Variants in MRC1 observed in about 807,000 individuals in gnomAD.
MRC1 encodes the protein macrophage mannose receptor 1.
A neutral mutation model predicts 102.9 loss-of-function variants in MRC1; 62 were observed. The ratio of observed to expected loss-of-function variants is 0.60; its 90% confidence interval spans 0.49 to 0.74. The LOEUF is 0.74. Among genes scored for constraint, MRC1 ranks in the 30% least tolerant of loss-of-function variants. The probability of loss-of-function intolerance (pLI) is 0.00; values close to 1 mark genes in which losing one functional copy is unlikely to be tolerated. For missense variants in MRC1, 1,237 were observed against 862.8 expected, an observed-to-expected ratio of 1.43 and a Z score of -5.43; for synonymous variants, 457 against 298.4, an observed-to-expected ratio of 1.53 and a Z score of -5.48.
At chr10:17,825,641 GGAGCATTACTT>G (rs1402871325) in intron 2 of MRC1, among the ~76,000 whole-genome samples, 1 of 152,162 alleles carries the variant, frequency 6.6e-6, no homozygotes, top group Non-Finnish European at 1.5e-5. Flanking sequence ...GGCTGAGGTG[GGAGCATTACTT>G]GAGCCCAGGT....
In MRC1 at chr10:17,836,790, C is replaced by T. The variant is rs976971989; in HGVS notation, c.802+2951C>T. ...GGTGGAGGTTGCAGTGAGTCGAGAT[C>T]GCACCATTGCACTCCAGCCTGGGCA... On this transcript the variant is annotated intron_variant, in intron 4 of 29. Coordinates refer to ENST00000569591, the MANE Select transcript of MRC1 (RefSeq NM_002438.4). Among the ~76,000 whole-genome samples the T allele has an allele frequency of 4.0e-5, 6 of 151,676 alleles. 1 individual carries two copies. Among genetic ancestry groups the T allele is most frequent in the South Asian group, 2.1e-4 (1 of 4,792 alleles).
intron 8 of MRC1, among the ~76,000 whole-genome samples, chr10:17,854,354 G>T (rs951885924): frequency 6.6e-6 from 1 of 152,132 alleles, no homozygotes; most frequent in Non-Finnish European, 1.5e-5. Flanking sequence ...TTGTCACTGT[G>T]GCTGTTATTT....
intron 20 of MRC1, 115 bp downstream of exon 20, chr10:17,880,785 A>T: frequency 1.3e-6 from 1 of 759,460 alleles, no homozygotes; most frequent in South Asian, 1.4e-5. Flanking sequence ...TTTTGGCAAG[A>T]ATAGGTGAAA....
intron 29 of MRC1, among the ~76,000 whole-genome samples, chr10:17,909,862 C>A (rs1390759671): frequency 1.3e-5 from 2 of 152,044 alleles, no homozygotes; most frequent in African/African-American, 2.4e-5. Flanking sequence ...TTTTTCTCTT[C>A]ATTTCCATTT....
At position 17,873,767 on chromosome 10, in the gene MRC1, T is replaced by A; in HGVS notation, c.2345-17T>A. The A allele has an allele frequency of 1.1e-6, 1 of 872,324 alleles. No individual in the cohort carries two copies. Among genetic ancestry groups the A allele is most frequent in the Non-Finnish European group, 2.0e-6 (1 of 501,158 alleles). The allele number at this position is 872,324 out of a possible 1,614,324, so 54.0% of individuals were successfully genotyped here. On this transcript the variant is annotated splice_polypyrimidine_tract_variant and intron_variant, in intron 15 of 29. Transcript: ENST00000569591. ...AGTTTAAGTACACTTTATTTCTATT[T>A]TTCTCTTGTTTTACAGGACAAACAC... is the stretch of plus-strand genomic sequence containing the variant.
chr10:17,833,380 G>A (rs1348064090), intron 3 of MRC1, among the ~76,000 whole-genome samples: 1 of 151,936 alleles, frequency 6.6e-6, no homozygotes, highest in Non-Finnish European at 1.5e-5. Flanking sequence ...AGTTAGCCAG[G>A]CATGGTGGTG....
intron 3 of MRC1, among the ~76,000 whole-genome samples, chr10:17,832,664 T>C (rs1025781818): frequency 2.7e-5 from 4 of 149,648 alleles, no homozygotes; most frequent in African/African-American, 7.5e-5. Flanking sequence ...CTCGGCTCAC[T>C]GCAAGCTCCG....
chr10:17,861,484 TA>T lies in MRC1; in HGVS notation c.1618del (p.Thr540GlnfsTer12). ...ACCTGTAATAATGAGAATGCTTATT[TA>T]ACAACTATTGAAGACAGGTATGTAA... ...NQTCNNENAY[L>X]TTIEDRYEQA... On this transcript the variant is annotated frameshift_variant, in exon 10 of 30. Transcript: ENST00000569591. LOFTEE classifies it high-confidence loss of function. The T allele has an allele frequency of 1.1e-6, 1 of 871,544 alleles. No homozygotes were observed. The highest frequency in any genetic ancestry group is 2.0e-6 in the Non-Finnish European group (1 of 500,622). The allele number at this position is 871,544 out of a possible 1,614,324, so 54.0% of individuals were successfully genotyped here.
At position 17,875,181 on chromosome 10, in the gene MRC1, G is replaced by A. The variant is rs1331086404; in HGVS notation, c.2478G>A (p.Ala826=). ...AGGAAACCATGGACAATGCGCGAGC[G>A]TTTTGCAAGAGGAATTTTGGTGATC... ...KEKETMDNAR[A]FCKRNFGDLV... is the part of the protein sequence containing the mutation. Residue 826 remains alanine (A), a synonymous_variant, in exon 17 of 30, where the codon GCG becomes GCA. Coordinates refer to ENST00000569591, the MANE Select transcript of MRC1 (RefSeq NM_002438.4). 3.2e-5 allele frequency: 25 copies of A among 780,856 alleles called. No homozygotes were observed. The highest frequency in any genetic ancestry group is 2.4e-4 in the Admixed American group (14 of 59,032). 48.4% of individuals were successfully genotyped at this position (780,856 alleles called of 1,614,324 possible). A position where few individuals can be genotyped will look rare whatever the true frequency, so the allele number is the denominator to read the frequency against.
chr10:17,894,651 G>A (rs1029569816), intron 23 of MRC1, among the ~76,000 whole-genome samples: 42 of 151,680 alleles, frequency 2.8e-4, no homozygotes, highest in African/African-American at 8.7e-4. Context: ...TACCTGCCTC[G>A]GCCTCCCAAA....
chr10:17,848,739 C>T (rs895237618), intron 6 of MRC1, among the ~76,000 whole-genome samples: 1 of 152,184 alleles, frequency 6.6e-6, no homozygotes, highest in Non-Finnish European at 1.5e-5. Context: ...ACACAACTTA[C>T]CGCAAATTCA....
At chr10:17,838,985 G>A (rs1342444722) in intron 4 of MRC1, among the ~76,000 whole-genome samples, 10 of 152,124 alleles carry the variant, frequency 6.6e-5, no homozygotes, top group Admixed American at 6.6e-4. Context: ...TGCTTTAAGA[G>A]ATATATTTTA....
intron 18 of MRC1, among the ~76,000 whole-genome samples, chr10:17,879,456 C>T (rs886129347): frequency 6.6e-6 from 1 of 152,132 alleles, no homozygotes; most frequent in Non-Finnish European, 1.5e-5. Context: ...CCAGTTCAAG[C>T]GATCCTCCTG....
intron 23 of MRC1, 82 bp downstream of exon 23, chr10:17,894,394 C>CTT (rs34625338): frequency 0.059 from 23,145 of 392,110 alleles, 25 homozygotes; most frequent in South Asian, 0.085. Flanking sequence ...TTCTTTCTTT[C>CTT]TTTTTTTTTT....
intron 22 of MRC1, 85 bp downstream of exon 22, chr10:17,885,520 A>G (rs1833580251): frequency 1.7e-5 from 13 of 747,224 alleles, no homozygotes; most frequent in Non-Finnish European, 3.0e-5. Context: ...CCATGAAAGA[A>G]TCTACCAGAA....
At chr10:17,880,831 A>C (rs1833503446) in intron 20 of MRC1, among the ~76,000 whole-genome samples, 161 bp downstream of exon 20, 1 of 152,258 alleles carries the variant, frequency 6.6e-6, no homozygotes, top group African/African-American at 2.4e-5. Flanking sequence ...AATTGAGAGC[A>C]TACTTGAGAT....
At chr10:17,858,260 C>T (rs1351252252) in intron 9 of MRC1, among the ~76,000 whole-genome samples, 3 of 152,006 alleles carry the variant, frequency 2.0e-5, no homozygotes, top group East Asian at 1.9e-4. Flanking sequence ...TATACTTTCT[C>T]GTGGCCTTAT....
intron 9 of MRC1, among the ~76,000 whole-genome samples, chr10:17,858,570 C>G (rs1833133010): frequency 6.6e-6 from 1 of 152,194 alleles, no homozygotes; most frequent in African/African-American, 2.4e-5. Context: ...TCACTGCAAC[C>G]TCCGCCTCCC....
chr10:17,875,270 T>G lies in MRC1; in HGVS notation c.2550+17T>G. 1.3e-6 allele frequency: 1 copy of G among 778,686 alleles called. No homozygotes were observed. Among genetic ancestry groups the G allele is most frequent in the Non-Finnish European group, 2.4e-6 (1 of 417,312 alleles). The allele number at this position is 778,686 out of a possible 1,614,324, so 48.2% of individuals were successfully genotyped here. A position where few individuals can be genotyped will look rare whatever the true frequency, so the allele number is the denominator to read the frequency against. ...TGGAAATATGTAAGGACATCAATCA[T>G]TTTTTAAAATTTTAATAGTTTTTGG... On this transcript the variant is annotated intron_variant, in intron 17 of 29. Coordinates refer to ENST00000569591, the MANE Select transcript of MRC1 (RefSeq NM_002438.4).
Sources: allele counts gnomAD v4.1 joint callset (sites outside exome capture counted in the v4.1 genomes callset), GRCh38; gene constraint gnomAD v4.1.1; transcripts MANE v1.5; gene names NCBI Gene and HGNC (gene_info 2026-07-23, HGNC 2026-07-21).